OPCML: variants seen among roughly 807,000 people sequenced by gnomAD.
OPCML encodes opioid binding protein/cell adhesion molecule like.
In OPCML, 13 loss-of-function variants were observed where a neutral mutation model predicts 37.8. The observed-to-expected ratio is 0.34, with a 90% CI of 0.22 to 0.55. The LOEUF is 0.55. Among genes scored for constraint, OPCML ranks in the 20% least tolerant of loss-of-function variants. OPCML has a pLI of 0.91. For missense variants in OPCML, 341 were observed against 435.6 expected, an observed-to-expected ratio of 0.78 and a Z score of 1.93; for synonymous variants, 176 against 168.8, an observed-to-expected ratio of 1.04 and a Z score of -0.33.
intron 1 of OPCML, chr11:133,420,712 T>C: frequency 1.0e-6 from 1 of 985,430 alleles, no homozygotes; most frequent in Non-Finnish European, 1.2e-6. Context: ...AATTGTCCAG[T>C]GGCATGTCAA....
At chr11:132,901,783 G>T (rs1391400641) in intron 2 of OPCML, among the ~76,000 whole-genome samples, 5 of 152,200 alleles carry the variant, frequency 3.3e-5, no homozygotes, top group Non-Finnish European at 5.9e-5. Flanking sequence ...AAAGGAAAAA[G>T]AAATGACAGT....
intron 1 of OPCML, among the ~76,000 whole-genome samples, chr11:133,482,295 C>G (rs1488882754): frequency 6.6e-6 from 1 of 152,186 alleles, no homozygotes; most frequent in Non-Finnish European, 1.5e-5. Context: ...AGTTTGAAAT[C>G]AGACGTCCTG....
intron 1 of OPCML, among the ~76,000 whole-genome samples, chr11:132,965,632 A>G (rs1279831162): frequency 6.6e-6 from 1 of 152,122 alleles, no homozygotes; most frequent in South Asian, 2.1e-4. Flanking sequence ...TCCTGAGTTC[A>G]AGCGATTCTC....
chr11:132,486,766 A>T (rs2096201200), intron 4 of OPCML, among the ~76,000 whole-genome samples: 1 of 151,990 alleles, frequency 6.6e-6, no homozygotes, highest in African/African-American at 2.4e-5. Flanking sequence ...ATGTTGGTAT[A>T]AAACGGATGG....
At chr11:132,809,331 T>C (rs1405138684) in intron 2 of OPCML, among the ~76,000 whole-genome samples, 2 of 152,034 alleles carry the variant, frequency 1.3e-5, no homozygotes, top group Non-Finnish European at 2.9e-5. Flanking sequence ...GTGAAGGAAG[T>C]AGATAATCCA....
intron 1 of OPCML, among the ~76,000 whole-genome samples, chr11:133,311,194 G>A (rs1943060204): frequency 1.3e-5 from 2 of 152,290 alleles, no homozygotes; most frequent in South Asian, 2.1e-4. Context: ...TCATTTTAAA[G>A]CATTGCTTTG....
At chr11:133,026,372 G>T in intron 1 of OPCML, 1 of 984,256 alleles carries the variant, frequency 1.0e-6, no homozygotes, top group Non-Finnish European at 1.2e-6. Context: ...GAAGGGTGGT[G>T]GTCTGATTGA....
chr11:132,702,265 C>CAA, intron 2 of OPCML, among the ~76,000 whole-genome samples: 1 of 152,212 alleles, frequency 6.6e-6, no homozygotes, highest in African/African-American at 2.4e-5. Context: ...GATGAACTCC[C>CAA]TCAGTTTTTT....
chr11:132,818,153 G>T (rs1227739469), intron 2 of OPCML, among the ~76,000 whole-genome samples: 1 of 152,090 alleles, frequency 6.6e-6, no homozygotes, highest in Admixed American at 6.5e-5. Flanking sequence ...ATTCACAGAT[G>T]AAACAACTGT....
chr11:132,493,764 A>G (rs776627536), intron 4 of OPCML, among the ~76,000 whole-genome samples: 1 of 152,234 alleles, frequency 6.6e-6, no homozygotes, highest in African/African-American at 2.4e-5. Context: ...TCAAATCTTT[A>G]AAGAAAACAC....
intron 4 of OPCML, among the ~76,000 whole-genome samples, chr11:132,487,389 A>G (rs980104310): frequency 6.6e-6 from 1 of 152,126 alleles, no homozygotes; most frequent in African/African-American, 2.4e-5. Flanking sequence ...ATAATCTCCA[A>G]CATACCCATG....
At chr11:132,515,465 C>T (rs12361323) in intron 4 of OPCML, among the ~76,000 whole-genome samples, 31,509 of 152,050 alleles carry the variant, frequency 0.21, 3,357 homozygotes, top group Non-Finnish European at 0.23. Flanking sequence ...CTCACTCAAC[C>T]CCAGTCCTTG....
At chr11:132,891,094 G>A (rs1943628919) in intron 2 of OPCML, among the ~76,000 whole-genome samples, 1 of 152,154 alleles carries the variant, frequency 6.6e-6, no homozygotes, top group African/African-American at 2.4e-5. Flanking sequence ...ATCAGCATAT[G>A]TAATTTAGAA....
At chr11:133,370,454 A>G (rs574927877) in intron 1 of OPCML, among the ~76,000 whole-genome samples, 40 of 151,994 alleles carry the variant, frequency 2.6e-4, no homozygotes, top group African/African-American at 8.4e-4. Flanking sequence ...AGAAAAAAGG[A>G]AGGAAATCCC....
chr11:132,443,402 T>C (rs145184846), intron 4 of OPCML, among the ~76,000 whole-genome samples: 1 of 152,298 alleles, frequency 6.6e-6, no homozygotes, highest in Non-Finnish European at 1.5e-5. Flanking sequence ...GCTCACATGG[T>C]TGGGTTTCTG....
intron 1 of OPCML, among the ~76,000 whole-genome samples, chr11:133,444,038 T>A (rs73037008): frequency 0.021 from 3,150 of 152,214 alleles, 51 homozygotes; most frequent in South Asian, 0.072. Flanking sequence ...ATCAGAAGGA[T>A]TACAGCACTG....
chr11:133,240,229 A>AC (rs1452456302), intron 1 of OPCML, among the ~76,000 whole-genome samples: 4 of 151,394 alleles, frequency 2.6e-5, no homozygotes, highest in Non-Finnish European at 4.4e-5. Context: ...AAAAAAAAAA[A>AC]AAAAAACAGA....
chr11:132,575,556 T>C (rs989531678), intron 3 of OPCML, among the ~76,000 whole-genome samples: 1 of 152,062 alleles, frequency 6.6e-6, no homozygotes, highest in African/African-American at 2.4e-5. Flanking sequence ...TTGTTTATTG[T>C]CATAATTTCC....
At chr11:132,427,057 A>G (rs2095979971) in intron 7 of OPCML, among the ~76,000 whole-genome samples, 1 of 152,240 alleles carries the variant, frequency 6.6e-6, no homozygotes, top group Non-Finnish European at 1.5e-5. Context: ...TTCCATGATT[A>G]CAATGAAAAT....
Sources: allele counts gnomAD v4.1 joint callset (sites outside exome capture counted in the v4.1 genomes callset), GRCh38; gene constraint gnomAD v4.1.1; transcripts MANE v1.5; gene names NCBI Gene and HGNC (gene_info 2026-07-23, HGNC 2026-07-21).